The following ATOSA variants were observed in gnomAD, a reference collection of about 807,000 sequenced individuals.
The protein encoded by ATOSA is atos homolog A, also known as atos homolog protein A.
the ATOSA span, among the ~76,000 whole-genome samples, chr15:52,630,195 A>T: frequency 6.6e-6 from 1 of 152,144 alleles, no homozygotes; most frequent in Non-Finnish European, 1.5e-5. Context: ...GTAGCCCCAA[A>T]TTTCTAAAAA....
chr15:52,612,794 C>T, the ATOSA span, among the ~76,000 whole-genome samples: 2 of 151,968 alleles, frequency 1.3e-5, no homozygotes, highest in Non-Finnish European at 1.5e-5. Context: ...TGAACCACTG[C>T]GCCCAGCCTC....
At chr15:52,599,268 C>G in the ATOSA span, among the ~76,000 whole-genome samples, 1 of 152,126 alleles carries the variant, frequency 6.6e-6, no homozygotes, top group Non-Finnish European at 1.5e-5. Flanking sequence ...CCACCCGACC[C>G]TAACAATGGC....
At chr15:52,690,372 G>A in the ATOSA span, among the ~76,000 whole-genome samples, 1 of 152,188 alleles carries the variant, frequency 6.6e-6, no homozygotes, top group South Asian at 2.1e-4. Flanking sequence ...AAACCTGAAT[G>A]TATGTCAGAA....
At chr15:52,596,929 A>T in the ATOSA span, among the ~76,000 whole-genome samples, 1 of 152,252 alleles carries the variant, frequency 6.6e-6, no homozygotes, top group South Asian at 2.1e-4. Context: ...ATATATGCTT[A>T]TTTGGCAAGT....
chr15:52,670,461 T>C, the ATOSA span, among the ~76,000 whole-genome samples: 1 of 152,228 alleles, frequency 6.6e-6, no homozygotes, highest in Non-Finnish European at 1.5e-5. Flanking sequence ...GTTCCGAAGT[T>C]AGAATTTCAA....
the ATOSA span, chr15:52,608,859 T>C: frequency 3.1e-6 from 5 of 1,609,268 alleles, no homozygotes; most frequent in Non-Finnish European, 4.2e-6. Context: ...CAGTAACTTT[T>C]ATTTTTGAGT....
the ATOSA span, among the ~76,000 whole-genome samples, chr15:52,643,500 A>C: frequency 6.8e-6 from 1 of 146,130 alleles, no homozygotes; most frequent in Middle Eastern, 3.6e-3. Context: ...TGTTGCCCAG[A>C]CTGGTCTTGA....
chr15:52,625,080 T>C, the ATOSA span, among the ~76,000 whole-genome samples: 1 of 152,048 alleles, frequency 6.6e-6, no homozygotes, highest in African/African-American at 2.4e-5. Flanking sequence ...TGCCTGGCCA[T>C]GTGTACCTGT....
chr15:52,675,458 A>G, the ATOSA span, among the ~76,000 whole-genome samples: 3 of 152,198 alleles, frequency 2.0e-5, no homozygotes, highest in Non-Finnish European at 4.4e-5. Flanking sequence ...ATCATGTACG[A>G]TAAGAGGCTA....
chr15:52,617,725 C>G, the ATOSA span, among the ~76,000 whole-genome samples: 1 of 149,066 alleles, frequency 6.7e-6, no homozygotes, highest in African/African-American at 2.4e-5. Flanking sequence ...ATTATATAGT[C>G]TCTACTTTTG....
At chr15:52,646,676 T>C in the ATOSA span, among the ~76,000 whole-genome samples, 1 of 152,208 alleles carries the variant, frequency 6.6e-6, no homozygotes, top group Admixed American at 6.5e-5. Flanking sequence ...CTTGCATACA[T>C]ATTCTGAAAG....
chr15:52,662,662 C>T, the ATOSA span, among the ~76,000 whole-genome samples: 37 of 149,984 alleles, frequency 2.5e-4, no homozygotes, highest in African/African-American at 7.6e-4. Flanking sequence ...CCCAGCTGCT[C>T]GGGAGGCTGA....
the ATOSA span, among the ~76,000 whole-genome samples, chr15:52,662,765 G>A: frequency 9.0e-5 from 11 of 121,852 alleles, no homozygotes; most frequent in South Asian, 5.4e-4. Flanking sequence ...GCAAGACTCC[G>A]TCTCAAAAAA....
At chr15:52,676,266 A>C in the ATOSA span, among the ~76,000 whole-genome samples, 2 of 152,192 alleles carry the variant, frequency 1.3e-5, no homozygotes, top group East Asian at 3.8e-4. Context: ...AAAAAAAATG[A>C]AGTGTAACTG....
chr15:52,616,899 T>A, the ATOSA span, among the ~76,000 whole-genome samples: 2 of 152,186 alleles, frequency 1.3e-5, no homozygotes, highest in Non-Finnish European at 2.9e-5. Flanking sequence ...CAGTCCCTCA[T>A]AAACCTACTG....
At chr15:52,630,979 GAC>G in the ATOSA span, among the ~76,000 whole-genome samples, 1 of 152,068 alleles carries the variant, frequency 6.6e-6, no homozygotes. Flanking sequence ...TTTTAAAAGA[GAC>G]AACACAGAAT....
the ATOSA span, among the ~76,000 whole-genome samples, chr15:52,603,044 A>G: frequency 6.6e-6 from 1 of 152,238 alleles, no homozygotes; most frequent in African/African-American, 2.4e-5. Context: ...CATATTGACC[A>G]GAAGTCTGTG....
At chr15:52,695,412 C>T in the ATOSA span, among the ~76,000 whole-genome samples, 1 of 152,214 alleles carries the variant, frequency 6.6e-6, no homozygotes, top group Non-Finnish European at 1.5e-5. Flanking sequence ...CTCACAGATC[C>T]TTCCAAATCA....
chr15:52,674,894 GTTTA>G, the ATOSA span, among the ~76,000 whole-genome samples: 12 of 150,776 alleles, frequency 8.0e-5, no homozygotes, highest in Admixed American at 4.6e-4. Flanking sequence ...CATTTGTAAT[GTTTA>G]TTTAACATAA....
Sources: gnomAD v4.1 joint callset for allele counts (sites outside exome capture counted in the v4.1 genomes callset) on GRCh38, gnomAD v4.1.1 for gene constraint, MANE v1.5 for transcripts, NCBI Gene and HGNC (gene_info 2026-07-23, HGNC 2026-07-21) for gene names.